The following MKLN1 variants were observed in gnomAD, a reference collection of about 807,000 sequenced individuals.
MKLN1 encodes muskelin 1.
Under a neutral mutation model 99.0 loss-of-function variants are expected in MKLN1, and 18 were observed. The ratio of observed to expected loss-of-function variants is 0.18; its 90% CI spans 0.13 to 0.27. The LOEUF (loss-of-function observed/expected upper bound fraction) is 0.27, where lower values mean the gene tolerates loss of function less well. MKLN1 is among the 10% of genes least tolerant of loss of function. The pLI is 1.00. For synonymous variants in MKLN1, 288 were observed against 293.2 expected, an observed-to-expected ratio of 0.98 and a Z score of 0.18; for missense variants, 621 against 875.9, an observed-to-expected ratio of 0.71 and a Z score of 3.67.
intron 3 of MKLN1, chr7:131,311,329 T>C (rs1798560422): frequency 6.6e-6 from 1 of 152,128 alleles, no homozygotes; most frequent in Middle Eastern, 3.2e-3. Flanking sequence ...ATAGCCATGG[T>C]TAAAGATGCA....
intron 2 of MKLN1, among the ~76,000 whole-genome samples, chr7:131,192,966 T>C (rs1232302625): frequency 6.6e-6 from 1 of 152,176 alleles, no homozygotes. Context: ...GAGAGGGATA[T>C]TATGAAAATG....
At chr7:131,291,601 T>TAA (rs1462725426) in intron 3 of MKLN1, among the ~76,000 whole-genome samples, 6 of 134,930 alleles carry the variant, frequency 4.4e-5, no homozygotes, top group Admixed American at 1.5e-4. Context: ...TATATATATA[T>TAA]AATACAGCTT....
chr7:131,416,979 C>CAAAAAA (rs374145180), intron 8 of MKLN1, among the ~76,000 whole-genome samples: 1 of 49,560 alleles, frequency 2.0e-5, no homozygotes, highest in African/African-American at 6.3e-5. Flanking sequence ...GCAACCCTGT[C>CAAAAAA]AAAAAAAAAA....
At position 131,202,581 on chromosome 7, in the gene MKLN1, G is replaced by A. The variant is rs543506133; in HGVS notation, c.-296-276G>A. Reference sequence around the variant, plus strand: ...TAGACCAGATCATTCTTTGTTCTGGGGGACTGTCCTGGGCATTATAGGATG... The same window carrying A: ...TAGACCAGATCATTCTTTGTTCTGGAGGACTGTCCTGGGCATTATAGGATG... On this transcript the variant is annotated intron_variant, in intron 2 of 7. Coordinates refer to the MKLN1 transcript ENST00000416992. 8.5e-5 allele frequency among the ~76,000 whole-genome samples: 13 copies of A among 152,216 alleles called. No homozygotes were observed. In the East Asian group the frequency reaches 2.1e-3, roughly 25 times the overall value.
rs180939185 is a variant in MKLN1 at position 131,215,132 on chromosome 7, C to T, written c.-179+12158C>T. ...CTTGATCTCAGCTCACTGCAACCTC[C>T]GCCTTCTGGGTTCAAGCAATTCTCC... On this transcript the variant is annotated intron_variant, in intron 3 of 7. Coordinates refer to the MKLN1 transcript ENST00000416992. Among the ~76,000 whole-genome samples the T allele has an allele frequency of 2.5e-3, 375 of 152,318 alleles. 2 individuals are homozygous for T. Among genetic ancestry groups the T allele is most frequent in the African/African-American group, 8.7e-3 (361 of 41,558 alleles).
chr7:131,389,738 ATT>A (rs1408112089), intron 4 of MKLN1, among the ~76,000 whole-genome samples: 2 of 151,800 alleles, frequency 1.3e-5, no homozygotes, highest in African/African-American at 4.8e-5. Context: ...ACAAAAAAAA[ATT>A]TAGCTGGGCG....
At chr7:131,353,865 G>T (rs1799792496) in intron 1 of MKLN1, among the ~76,000 whole-genome samples, 1 of 140,128 alleles carries the variant, frequency 7.1e-6, no homozygotes, top group African/African-American at 2.7e-5. Context: ...TTGTTGAAAA[G>T]GCTATTCTTC....
At chr7:131,190,604 A>G (rs909276650) in intron 2 of MKLN1, among the ~76,000 whole-genome samples, 2 of 151,994 alleles carry the variant, frequency 1.3e-5, no homozygotes, top group South Asian at 2.1e-4. Flanking sequence ...ACAATAATTT[A>G]TGATCATTGT....
chr7:131,483,696 A>C (rs1184802442), intron 17 of MKLN1, among the ~76,000 whole-genome samples: 1 of 152,238 alleles, frequency 6.6e-6, no homozygotes, highest in Non-Finnish European at 1.5e-5. Context: ...AAGCCACCAA[A>C]AACACAAAAA....
intron 2 of MKLN1, among the ~76,000 whole-genome samples, chr7:131,195,356 CA>C (rs1796626124): frequency 6.6e-6 from 1 of 151,694 alleles, no homozygotes; most frequent in Non-Finnish European, 1.5e-5. Flanking sequence ...ACTAAAAGCA[CA>C]AAAAGTAGCC....
intron 3 of MKLN1, among the ~76,000 whole-genome samples, chr7:131,252,439 CT>C: frequency 6.9e-6 from 1 of 145,210 alleles, no homozygotes; most frequent in Non-Finnish European, 1.5e-5. Context: ...TGTGATTCTT[CT>C]GCCTCAGCCT....
At chr7:131,191,995 T>G (rs1010870434) in intron 2 of MKLN1, among the ~76,000 whole-genome samples, 1 of 146,490 alleles carries the variant, frequency 6.8e-6, no homozygotes, top group Non-Finnish European at 1.5e-5. Context: ...GCTAGGATTA[T>G]AGGTATGAGC....
chr7:131,177,006 G>C (rs1796308991), intron 2 of MKLN1, among the ~76,000 whole-genome samples: 1 of 152,196 alleles, frequency 6.6e-6, no homozygotes, highest in Admixed American at 6.5e-5. Flanking sequence ...TTCTGGCTAT[G>C]ATGATCTCCA....
chr7:131,449,648 C>CTGTTTTTT (rs931136369), intron 12 of MKLN1, among the ~76,000 whole-genome samples: 11 of 150,994 alleles, frequency 7.3e-5, no homozygotes, highest in African/African-American at 2.5e-4. Context: ...CTCTTTTTTT[C>CTGTTTTTT]TGTTTTTTTT....
At chr7:131,322,167 G>C (rs1046173850) in intron 3 of MKLN1, among the ~76,000 whole-genome samples, 2 of 152,222 alleles carry the variant, frequency 1.3e-5, no homozygotes, top group East Asian at 1.9e-4. Flanking sequence ...TTTTTTGTTT[G>C]TGTGTTTGTT....
intron 17 of MKLN1, among the ~76,000 whole-genome samples, chr7:131,481,849 T>A (rs1245636430): frequency 6.6e-6 from 1 of 150,554 alleles, no homozygotes; most frequent in Non-Finnish European, 1.5e-5. Flanking sequence ...CCGAACTTTC[T>A]GAATGACTTC....
chr7:131,443,336 A>G (rs1017794360), intron 10 of MKLN1, 145 bp from the exon 11 acceptor site: 1 of 597,512 alleles, frequency 1.7e-6, no homozygotes, highest in Non-Finnish European at 3.0e-6. Context: ...AAACTTGCAT[A>G]TGATAATCAG....
chr7:131,176,732 T>C (rs918152498), intron 2 of MKLN1, among the ~76,000 whole-genome samples: 7 of 152,236 alleles, frequency 4.6e-5, no homozygotes, highest in African/African-American at 1.4e-4. Context: ...TTCCTGCAAA[T>C]AACAATTCAT....
chr7:131,193,622 C>T (rs1796600338), intron 2 of MKLN1, among the ~76,000 whole-genome samples: 1 of 152,032 alleles, frequency 6.6e-6, no homozygotes, highest in South Asian at 2.1e-4. Context: ...GATCCGCCCG[C>T]CTCGGCCTCT....
Sources: gnomAD v4.1 joint callset for allele counts (sites outside exome capture counted in the v4.1 genomes callset) on GRCh38, gnomAD v4.1.1 for gene constraint, MANE v1.5 for transcripts, NCBI Gene and HGNC (gene_info 2026-07-23, HGNC 2026-07-21) for gene names.